PSG1: variants seen among roughly 807,000 people sequenced by gnomAD.
PSG1 encodes the protein pregnancy-specific beta-1-glycoprotein 1.
PSG1 carries 60 observed loss-of-function variants against 41.4 expected under a neutral mutation model. That is an observed-to-expected ratio of 1.45 (90% CI 1.18 to 1.80). The LOEUF (loss-of-function observed/expected upper bound fraction) is 1.80. PSG1 is among the 40% of genes most tolerant of loss of function. The pLI, the probability that PSG1 is intolerant of heterozygous loss-of-function variation, is 0.00. For missense variants in PSG1, 806 were observed against 516.9 expected, an observed-to-expected ratio of 1.56 and a Z score of -5.42; for synonymous variants, 256 against 192.9, an observed-to-expected ratio of 1.33 and a Z score of -2.71.
chr19:42,871,477 C>T (rs1444463258), intron 3 of PSG1, among the ~76,000 whole-genome samples: 2 of 151,664 alleles, frequency 1.3e-5, no homozygotes, highest in Non-Finnish European at 2.9e-5. Context: ...CATTGAAGTC[C>T]CAGCCAAATC....
At chr19:42,867,963 G>C in intron 5 of PSG1, 138 bp downstream of exon 5, 9 of 1,579,700 alleles carry the variant, frequency 5.7e-6, no homozygotes, top group Non-Finnish European at 7.7e-6. Context: ...AAATTTGGAG[G>C]GTTCAGGAGG....
chr19:42,869,476 G>A lies in PSG1; in HGVS notation c.710-442C>T, dbSNP rs569856686. The A allele has an allele frequency of 6.9e-5, 14 of 202,106 alleles. No homozygotes were observed. The East Asian group carries it at 1.1e-3, about 16-fold the overall frequency. 12.5% of individuals were successfully genotyped at this position (202,106 alleles called of 1,614,324 possible). ...ATTTCAAAGGACATTCTAGAGATGA[G>A]TAATAATGGGACTTCCCTTTGTCCT... On this transcript the variant is annotated intron_variant, in intron 3 of 5. Transcript: ENST00000436291.
intron 2 of PSG1, chr19:42,874,209 C>T (rs914260371): frequency 6.6e-6 from 1 of 151,648 alleles, no homozygotes; most frequent in Non-Finnish European, 1.5e-5. Context: ...TATGTTGTTC[C>T]ACTTTTTTTC....
At chr19:42,873,723 C>T (rs1296499897) in intron 2 of PSG1, among the ~76,000 whole-genome samples, 1 of 151,536 alleles carries the variant, frequency 6.6e-6, no homozygotes, top group Non-Finnish European at 1.5e-5. Flanking sequence ...CCGAACTGGT[C>T]AGTGCATCAA....
Position 42,868,081 on chromosome 19 carries a change from C to T in PSG1, c.1243+20G>A, listed in dbSNP as rs369963338. On this transcript the variant is annotated intron_variant, in intron 5 of 5. Coordinates refer to ENST00000436291, the MANE Select transcript of PSG1 (RefSeq NM_001184825.2). ...ACTCCACCTAAAACCCTATTGCCAACGATGCTGGGATCCACTTACCAGAGA... is the reference window on the plus strand; with the variant it reads ...ACTCCACCTAAAACCCTATTGCCAATGATGCTGGGATCCACTTACCAGAGA... The T allele has an allele frequency of 7.4e-6, 12 of 1,612,214 alleles. No homozygotes were observed. The highest frequency in any genetic ancestry group is 6.7e-5 in the Admixed American group (4 of 59,850).
chr19:42,868,135 C>T lies in PSG1; in HGVS notation c.1209G>A (p.Lys403=), dbSNP rs1212462707. 3.1e-6 allele frequency: 5 copies of T among 1,612,386 alleles called. No individual in the cohort carries two copies. The highest frequency in any genetic ancestry group is 1.7e-5 in the Admixed American group (1 of 59,872). ...VCSVRNSATG[K]ESSKSMTVEV... ...CGACTGTCATGGATTTGGAGCTTTCCTTGCCAGTGGCTGAGTTACGAACAG... is the reference window on the plus strand; with the variant it reads ...CGACTGTCATGGATTTGGAGCTTTCTTTGCCAGTGGCTGAGTTACGAACAG... Residue 403 remains lysine (K), a synonymous_variant, in exon 5 of 6, where the codon AAG becomes AAA. Coordinates refer to ENST00000436291, the MANE Select transcript of PSG1 (RefSeq NM_001184825.2).
Position 42,871,838 on chromosome 19 carries a change from C to T in PSG1, c.638G>A (p.Gly213Glu), listed in dbSNP as rs772748129. Residue 213 changes from glycine to glutamate, a missense_variant, in exon 3 of 6, where the codon GGA becomes GAA. Transcript: ENST00000436291. ...FLLGVTKYTA[G>E]PYECEIRNPV... is the part of the protein sequence containing the mutation. ...GTTCCGTATTTCACATTCATAGGGT[C>T]CTGCAGTATACTTTGTGACACCCAA... 2.5e-6 allele frequency: 4 copies of T among 1,612,444 alleles called. No individual in the cohort carries two copies. Among genetic ancestry groups the T allele is most frequent in the Admixed American group, 3.3e-5 (2 of 59,890 alleles).
Position 42,866,918 on chromosome 19 carries a change from C to T in PSG1, c.*216G>A, listed in dbSNP as rs551446913. Reference sequence around the variant, plus strand: ...GGAAAAACTGTCCACAGTGTGAAGTCATCCACTTGTTGTCCTGGTTTACAG... The same window carrying T: ...GGAAAAACTGTCCACAGTGTGAAGTTATCCACTTGTTGTCCTGGTTTACAG... On this transcript the variant is annotated 3_prime_UTR_variant, in exon 6 of 6. Coordinates refer to ENST00000436291, the MANE Select transcript of PSG1 (RefSeq NM_001184825.2). 2.6e-5 allele frequency: 18 copies of T among 699,376 alleles called. No individual in the cohort carries two copies. Among genetic ancestry groups the T allele is most frequent in the South Asian group, 2.1e-4 (14 of 66,734 alleles). The allele number at this position is 699,376 out of a possible 1,614,324, so 43.3% of individuals were successfully genotyped here. A position where few individuals can be genotyped will look rare whatever the true frequency, so the allele number is the denominator to read the frequency against.
intron 2 of PSG1, among the ~76,000 whole-genome samples, chr19:42,876,238 T>G (rs146619436): frequency 0.015 from 2,253 of 151,448 alleles, 63 homozygotes; most frequent in South Asian, 0.048. Flanking sequence ...GAGAGGCAGA[T>G]ACACCATGGC....
In PSG1 at chr19:42,871,966, G is replaced by T. The variant is rs1058682; in HGVS notation, c.510C>A (p.Asp170Glu). The change falls in exon 3 of 6, where the codon GAC (aspartate) becomes GAA (glutamate). Residue 170 changes from aspartate (D) to glutamate (E), a missense_variant. Coordinates refer to ENST00000436291, the MANE Select transcript of PSG1 (RefSeq NM_001184825.2). ...ETMEAVSLTCDPETPDASYLW... is the reference protein window; with the variant it reads ...ETMEAVSLTCEPETPDASYLW... ...GGTAGCTTGCGTCTGGAGTCTCAGGGTCACAGGTTAAGCTCACAGCCTCCA... is the reference window on the plus strand; with the variant it reads ...GGTAGCTTGCGTCTGGAGTCTCAGGTTCACAGGTTAAGCTCACAGCCTCCA... 1 of 1,612,498 alleles carries T rather than the reference G, an allele frequency of 6.2e-7. No individual in the cohort carries two copies.
Position 42,878,069 on chromosome 19 carries a change from C to T in PSG1, c.274G>A (p.Gly92Arg), listed in dbSNP as rs747730352. The change falls in exon 2 of 6, where the codon GGG (glycine) becomes AGG (arginine). Residue 92 changes from glycine (G) to arginine (R), a missense_variant. Transcript: ENST00000436291. ...YVVDGEIIIY[G>R]PAYSGRETAY... is the part of the protein sequence containing the mutation. Reference sequence around the variant, plus strand: ...GTTTCTCGTCCACTATATGCAGGCCCATATATAATTATTTCACCGTCTACT... The same window carrying T: ...GTTTCTCGTCCACTATATGCAGGCCTATATATAATTATTTCACCGTCTACT... The T allele has an allele frequency of 1.2e-6, 2 of 1,612,280 alleles. No individual in the cohort carries two copies. Among genetic ancestry groups the T allele is most frequent in the South Asian group, 1.1e-5 (1 of 90,802 alleles).
rs763289312 is a variant in PSG1, at chr19:42,868,311, G to A, written c.1033C>T (p.Arg345Cys). ...PRIYPSFTYY[R>C]SGEVLYLSCS... Reference sequence around the variant, plus strand: ...GACAAGTAGAGGACTTCTCCTGAACGGTAATAGGTGAATGAAGGGTAAATT... The same window carrying A: ...GACAAGTAGAGGACTTCTCCTGAACAGTAATAGGTGAATGAAGGGTAAATT... The change falls in exon 5 of 6, where the codon CGT becomes TGT. Residue 345 changes from arginine to cysteine, a missense_variant. Physicochemically the swap from Arg to Cys is radical, Grantham distance 180. Coordinates refer to ENST00000436291, the MANE Select transcript of PSG1 (RefSeq NM_001184825.2). The A allele has an allele frequency of 5.0e-6, 8 of 1,611,790 alleles. No homozygotes were observed. The highest frequency in any genetic ancestry group is 6.8e-6 in the Non-Finnish European group (8 of 1,178,822).
At chr19:42,867,219 T>G (rs1971169690) in intron 5 of PSG1, 69 bp from the exon 6 acceptor site, 2 of 761,150 alleles carry the variant, frequency 2.6e-6, no homozygotes, top group African/African-American at 3.4e-5. Context: ...TATACTACAG[T>G]TTTTATTTTC....
intron 3 of PSG1, 137 bp downstream of exon 3, chr19:42,871,630 G>C: frequency 6.3e-7 from 1 of 1,598,548 alleles, no homozygotes; most frequent in Non-Finnish European, 8.5e-7. Flanking sequence ...TTTGCCTGGG[G>C]CACAAAGTCA....
intron 5 of PSG1, chr19:42,867,851 T>A (rs1346323896): frequency 1.5e-5 from 19 of 1,305,794 alleles, no homozygotes; most frequent in Non-Finnish European, 1.7e-5. Context: ...TCTTCATTAT[T>A]ATCAATTATT....
chr19:42,878,990 A>C (rs950729048), intron 1 of PSG1, among the ~76,000 whole-genome samples: 1 of 151,406 alleles, frequency 6.6e-6, no homozygotes, highest in Non-Finnish European at 1.5e-5. Context: ...ATTTTTCAAA[A>C]TATGGTGGCC....
chr19:42,878,890 C>T (rs921197771), intron 1 of PSG1, among the ~76,000 whole-genome samples: 6 of 151,442 alleles, frequency 4.0e-5, no homozygotes, highest in African/African-American at 1.5e-4. Context: ...TTTTTTTTCC[C>T]CCAATTGTTG....
chr19:42,866,804 C>A lies in PSG1; in HGVS notation c.*330G>T. The A allele has an allele frequency of 7.0e-6, 4 of 574,172 alleles. No homozygotes were observed. In the South Asian group the frequency reaches 8.4e-5, roughly 12 times the overall value. The allele number at this position is 574,172 out of a possible 1,614,324, so 35.6% of individuals were successfully genotyped here. A position where few individuals can be genotyped will look rare whatever the true frequency, so the allele number is the denominator to read the frequency against. On this transcript the variant is annotated 3_prime_UTR_variant, in exon 6 of 6. Coordinates refer to ENST00000436291, the MANE Select transcript of PSG1 (RefSeq NM_001184825.2). ...TGTGAAATTCTAATGACTGCATTAT[C>A]CTGCCAAGTGAAAGAGGCAGGCATG...
intron 2 of PSG1, among the ~76,000 whole-genome samples, chr19:42,875,113 A>T (rs923980216): frequency 6.6e-6 from 1 of 151,726 alleles, no homozygotes; most frequent in African/African-American, 2.4e-5. Context: ...AGATTACAAC[A>T]GTGACAGCAA....
Sources: gnomAD v4.1 joint callset for allele counts (sites outside exome capture counted in the v4.1 genomes callset) on GRCh38, gnomAD v4.1.1 for gene constraint, MANE v1.5 for transcripts, NCBI Gene and HGNC (gene_info 2026-07-23, HGNC 2026-07-21) for gene names.